Variants in COMMD1 observed in about 807,000 individuals in gnomAD.
COMMD1 encodes COMM domain-containing protein 1.
In COMMD1, 10 loss-of-function variants were observed where a neutral mutation model predicts 17.2. That is an observed-to-expected ratio of 0.58 (90% CI 0.36 to 0.99). The LOEUF is 0.99. Among genes scored for constraint, COMMD1 ranks in the 50% least tolerant of loss-of-function variants. The pLI is 0.01. For synonymous variants in COMMD1, 97 were observed against 91.6 expected (o/e 1.06, Z -0.34); for missense variants, 270 against 231.8 (o/e 1.17, Z -1.07).
chr2:61,993,981 C>T (rs1028966741), intron 1 of COMMD1, among the ~76,000 whole-genome samples: 6 of 150,960 alleles, frequency 4.0e-5, no homozygotes, highest in African/African-American at 1.5e-4. Flanking sequence ...TCCTTCCTTC[C>T]TTCTTTCCTT....
intron 2 of COMMD1, among the ~76,000 whole-genome samples, chr2:62,130,099 C>T (rs1233608306): frequency 1.3e-5 from 2 of 148,922 alleles, no homozygotes; most frequent in Admixed American, 6.8e-5. Context: ...GGCGTGAACC[C>T]GGGAGGCGGA....
intron 1 of COMMD1, among the ~76,000 whole-genome samples, chr2:61,983,297 C>A (rs556109478): frequency 1.3e-5 from 2 of 150,882 alleles, no homozygotes; most frequent in South Asian, 4.2e-4. Flanking sequence ...TCAAGTGATT[C>A]TCCTGCCTCA....
In COMMD1 at chr2:62,034,153, T is replaced by A. The variant is rs1183080276; in HGVS notation, c.462+33171T>A. Among the ~76,000 whole-genome samples, 10 of 150,186 alleles carry A rather than the reference T, an allele frequency of 6.7e-5. No homozygotes were observed. The East Asian group carries it at 1.8e-3, about 26-fold the overall frequency. ...GGTTACGGATTTGAAATTCAGCCTG[T>A]TGGGGTGGAAATGTTAGGTAGGAGA... On this transcript the variant is annotated intron_variant, in intron 2 of 2. Transcript: ENST00000311832.
chr2:61,901,400 A>C (rs1669653123), upstream of COMMD1, among the ~76,000 whole-genome samples: 1 of 151,500 alleles, frequency 6.6e-6, no homozygotes, highest in African/African-American at 2.4e-5. Context: ...AGGTGGGTGG[A>C]TCACCTGAGG....
intron 1 of COMMD1, among the ~76,000 whole-genome samples, chr2:61,959,915 C>T (rs1392899083): frequency 2.0e-5 from 3 of 152,154 alleles, no homozygotes; most frequent in African/African-American, 4.8e-5. Context: ...TAGGACCTCA[C>T]ATTTTACACT....
intron 1 of COMMD1, among the ~76,000 whole-genome samples, chr2:61,987,116 C>G (rs761379206): frequency 5.3e-5 from 8 of 152,134 alleles, no homozygotes; most frequent in Non-Finnish European, 8.8e-5. Flanking sequence ...TTCAAGTTTT[C>G]CCAAAACAGC....
rs1669538102 is a variant in COMMD1 at position 62,019,102 on chromosome 2, TCCC to T, written c.462+18121_462+18123del. Among the ~76,000 whole-genome samples the T allele has an allele frequency of 8.0e-5, 3 of 37,332 alleles. No homozygotes were observed. The Admixed American group carries it at 8.2e-4, about 10-fold the overall frequency. 24.5% of individuals were successfully genotyped at this position (37,332 alleles called of 152,430 possible). Reference sequence around the variant, plus strand: ...TCTCTCTTTCTTTCTCTCTCTCTCTTCCCTCCCTCCCTCCCTCCCTCCCTCCCT... The same window carrying T: ...TCTCTCTTTCTTTCTCTCTCTCTCTTTCCCTCCCTCCCTCCCTCCCTCCCT... On this transcript the variant is annotated intron_variant, in intron 2 of 2. Coordinates refer to ENST00000311832, the MANE Select transcript of COMMD1 (RefSeq NM_152516.4).
At chr2:62,001,012 G>A (rs538025927) in intron 2 of COMMD1, 30 bp downstream of exon 2, 8 of 1,600,360 alleles carry the variant, frequency 5.0e-6, no homozygotes, top group South Asian at 1.1e-5. Context: ...ATTTTCCTTT[G>A]TAAACTGTAT....
intron 1 of COMMD1, among the ~76,000 whole-genome samples, chr2:61,927,889 C>T (rs560229903): frequency 8.6e-5 from 13 of 152,004 alleles, no homozygotes; most frequent in Non-Finnish European, 1.6e-4. Flanking sequence ...CTCCGCCTCT[C>T]GAGTAGCTGG....
intron 1 of COMMD1, among the ~76,000 whole-genome samples, chr2:61,944,442 C>T (rs1423313618): frequency 6.6e-6 from 1 of 151,774 alleles, no homozygotes; most frequent in Non-Finnish European, 1.5e-5. Context: ...CATAGCAAGA[C>T]TCTGTCTCAA....
chr2:62,030,898 C>G (rs888820587), intron 2 of COMMD1, among the ~76,000 whole-genome samples: 1 of 151,840 alleles, frequency 6.6e-6, no homozygotes, highest in African/African-American at 2.4e-5. Context: ...AAATTTTTTT[C>G]ATTTACACCC....
chr2:62,077,728 C>G (rs542409193), intron 2 of COMMD1, among the ~76,000 whole-genome samples: 1 of 151,958 alleles, frequency 6.6e-6, no homozygotes, highest in East Asian at 1.9e-4. Flanking sequence ...GGTCATGGCC[C>G]GTGACACAGC....
intron 2 of COMMD1, among the ~76,000 whole-genome samples, chr2:62,068,791 AT>A (rs1671124724): frequency 6.6e-6 from 1 of 151,310 alleles, no homozygotes; most frequent in African/African-American, 2.4e-5. Flanking sequence ...CACCCGGCTG[AT>A]TTTTTATTTT....
chr2:61,962,883 G>A lies in COMMD1; in HGVS notation c.181-37818G>A, dbSNP rs146592391. The stretch of plus-strand genomic sequence containing the variant: ...GCTATAATCAAACTATAATTGGGCC[G>A]GGTGTGGTAGCTCATGCCTGTGATC... On this transcript the variant is annotated intron_variant, in intron 1 of 2. Transcript: ENST00000311832. Among the ~76,000 whole-genome samples, 62 of 152,116 alleles carry A rather than the reference G, an allele frequency of 4.1e-4. 1 individual carries two copies. The highest frequency in any genetic ancestry group is 2.9e-3 in the Admixed American group (45 of 15,286).
intron 1 of COMMD1, among the ~76,000 whole-genome samples, chr2:61,894,928 C>A (rs1028905422): frequency 3.3e-5 from 5 of 152,020 alleles, no homozygotes; most frequent in Admixed American, 2.6e-4. Flanking sequence ...AAACTCCTGA[C>A]CTCAGGTGAT....
chr2:61,927,355 T>C (rs1203944520), intron 1 of COMMD1, among the ~76,000 whole-genome samples: 1 of 152,196 alleles, frequency 6.6e-6, no homozygotes, highest in Non-Finnish European at 1.5e-5. Flanking sequence ...GTTTTAGTAG[T>C]GGTGATGTGA....
intron 2 of COMMD1, among the ~76,000 whole-genome samples, chr2:62,130,870 C>T (rs1467004496): frequency 6.6e-6 from 1 of 152,194 alleles, no homozygotes; most frequent in Non-Finnish European, 1.5e-5. Flanking sequence ...TGCTTACTAA[C>T]AGCCTTCAGT....
intron 2 of COMMD1, among the ~76,000 whole-genome samples, chr2:62,048,071 A>G (rs1198397614): frequency 6.6e-6 from 1 of 152,192 alleles, no homozygotes; most frequent in East Asian, 1.9e-4. Context: ...TGCAAGTGAC[A>G]CATGACTGTA....
intron 2 of COMMD1, among the ~76,000 whole-genome samples, chr2:62,060,158 G>A (rs1670820405): frequency 1.3e-5 from 2 of 151,976 alleles, no homozygotes; most frequent in Non-Finnish European, 2.9e-5. Flanking sequence ...GTGAAACCCT[G>A]TCTCTATGAA....
Sources: gnomAD v4.1 joint callset for allele counts (sites outside exome capture counted in the v4.1 genomes callset) on GRCh38, gnomAD v4.1.1 for gene constraint, MANE v1.5 for transcripts, NCBI Gene and HGNC (gene_info 2026-07-23, HGNC 2026-07-21) for gene names.